Variants in FBXL17 observed in about 807,000 individuals in gnomAD.
FBXL17 encodes F-box and leucine rich repeat protein 17.
A neutral mutation model predicts 66.2 loss-of-function variants in FBXL17; 22 were observed. The observed-to-expected ratio is 0.33, with a 90% CI of 0.24 to 0.47. The LOEUF (loss-of-function observed/expected upper bound fraction) is 0.47, where lower values mean the gene tolerates loss of function less well. FBXL17 is among the 20% of genes least tolerant of loss of function. The probability of loss-of-function intolerance (pLI) is 1.00; values close to 1 mark genes in which losing one functional copy is unlikely to be tolerated. For synonymous variants in FBXL17, 474 were observed against 400.5 expected, an observed-to-expected ratio of 1.18 and a Z score of -2.19; for missense variants, 878 against 948.2, an observed-to-expected ratio of 0.93 and a Z score of 0.97.
At chr5:108,028,706 G>C (rs1413544766) in intron 6 of FBXL17, among the ~76,000 whole-genome samples, 3 of 152,124 alleles carry the variant, frequency 2.0e-5, no homozygotes, top group Non-Finnish European at 2.9e-5. Flanking sequence ...ACTCAGACAA[G>C]ATGCTGACAA....
chr5:108,268,908 C>T (rs986611725), intron 4 of FBXL17, among the ~76,000 whole-genome samples: 6 of 151,956 alleles, frequency 3.9e-5, no homozygotes, highest in Non-Finnish European at 8.8e-5. Flanking sequence ...TTATGTGCCA[C>T]AAGAGCCTTC....
intron 5 of FBXL17, among the ~76,000 whole-genome samples, chr5:108,222,926 G>A (rs969609181): frequency 9.2e-5 from 14 of 151,732 alleles, no homozygotes; most frequent in African/African-American, 3.1e-4. Flanking sequence ...CACCTGCCTC[G>A]GCCTCCCAAA....
chr5:107,913,107 C>T (rs1243547017), intron 7 of FBXL17, among the ~76,000 whole-genome samples: 2 of 151,638 alleles, frequency 1.3e-5, no homozygotes, highest in Non-Finnish European at 2.9e-5. Flanking sequence ...ACACAATAGG[C>T]TCACAATACA....
At chr5:108,156,515 G>A (rs941850661) in intron 6 of FBXL17, among the ~76,000 whole-genome samples, 8 of 151,740 alleles carry the variant, frequency 5.3e-5, no homozygotes, top group East Asian at 1.9e-4. Context: ...TTTTTACAAC[G>A]TTGAGAGTTA....
intron 6 of FBXL17, among the ~76,000 whole-genome samples, chr5:108,091,663 T>G (rs890682044): frequency 3.3e-5 from 5 of 152,204 alleles, no homozygotes; most frequent in African/African-American, 1.2e-4. Flanking sequence ...ACTTTCCCCC[T>G]ACTTCTTACA....
At chr5:108,089,807 A>G (rs962906226) in intron 6 of FBXL17, among the ~76,000 whole-genome samples, 1 of 152,188 alleles carries the variant, frequency 6.6e-6, no homozygotes, top group Non-Finnish European at 1.5e-5. Flanking sequence ...TTAAATAAAT[A>G]TAAGTAAAAT....
intron 7 of FBXL17, among the ~76,000 whole-genome samples, chr5:108,009,290 T>TAGATAGAAAGAAAGATAG (rs1287152827): frequency 1.8e-5 from 1 of 54,716 alleles, no homozygotes; most frequent in Non-Finnish European, 3.1e-5. Flanking sequence ...TATATATATA[T>TAGATAGAAAGAAAGATAG]ATATATATAT....
At chr5:108,336,665 A>C (rs943379636) in intron 4 of FBXL17, among the ~76,000 whole-genome samples, 3 of 152,150 alleles carry the variant, frequency 2.0e-5, no homozygotes, top group Non-Finnish European at 2.9e-5. Flanking sequence ...ATTAAGTTTC[A>C]AAATCCACTT....
chr5:108,332,789 G>C (rs1449327819), intron 4 of FBXL17, among the ~76,000 whole-genome samples: 1 of 151,906 alleles, frequency 6.6e-6, no homozygotes, highest in Non-Finnish European at 1.5e-5. Context: ...TGTATTTTTA[G>C]TAGAGATGGA....
intron 7 of FBXL17, among the ~76,000 whole-genome samples, chr5:107,999,052 T>A (rs1753601769): frequency 6.6e-6 from 1 of 152,204 alleles, no homozygotes; most frequent in African/African-American, 2.4e-5. Context: ...GATCTCTCCT[T>A]GCCATCAGTG....
chr5:108,299,069 C>A, intron 4 of FBXL17: 8 of 976,490 alleles, frequency 8.2e-6, no homozygotes, highest in Non-Finnish European at 9.7e-6. Context: ...CAAAAAAGCC[C>A]CAAATGTTTA....
chr5:107,909,090 TGA>T (rs1749861874), intron 7 of FBXL17, among the ~76,000 whole-genome samples: 1 of 152,182 alleles, frequency 6.6e-6, no homozygotes, highest in Non-Finnish European at 1.5e-5. Flanking sequence ...CAACCTATAT[TGA>T]GATTCTGGGT....
rs560992290 is a variant in FBXL17 at position 107,978,617 on chromosome 5, T to C, written c.1822+42308A>G. ...TACAACTTGTGATTCAATCTGTCTATGGCCCTGACCCAGAGGCTGACTCAG... is the reference window on the plus strand; with the variant it reads ...TACAACTTGTGATTCAATCTGTCTACGGCCCTGACCCAGAGGCTGACTCAG... On this transcript the variant is annotated intron_variant, in intron 7 of 8. Coordinates refer to ENST00000542267, the MANE Select transcript of FBXL17 (RefSeq NM_001163315.3). 3.2e-3 allele frequency among the ~76,000 whole-genome samples: 485 copies of C among 152,312 alleles called. 5 individuals are homozygous for C. Among genetic ancestry groups the C allele is most frequent in the African/African-American group, 0.011 (462 of 41,560 alleles).
intron 6 of FBXL17, among the ~76,000 whole-genome samples, chr5:108,047,474 G>C (rs1043932549): frequency 2.6e-5 from 4 of 152,166 alleles, no homozygotes; most frequent in Admixed American, 2.6e-4. Context: ...TGCTGTTTAA[G>C]TCCTGTGAGC....
At chr5:108,164,808 C>A (rs1752354114) in intron 6 of FBXL17, among the ~76,000 whole-genome samples, 1 of 152,172 alleles carries the variant, frequency 6.6e-6, no homozygotes, top group Non-Finnish European at 1.5e-5. Context: ...GGTGGCAGAG[C>A]CAGGATTCAA....
chr5:107,903,709 G>A (rs150500138), intron 7 of FBXL17, among the ~76,000 whole-genome samples: 3 of 145,804 alleles, frequency 2.1e-5, no homozygotes, highest in Non-Finnish European at 4.5e-5. Context: ...CTTTAACTAC[G>A]GGAGATTTAT....
chr5:107,991,237 G>A (rs1344186205), intron 7 of FBXL17, among the ~76,000 whole-genome samples: 3 of 152,200 alleles, frequency 2.0e-5, no homozygotes, highest in Admixed American at 6.5e-5. Flanking sequence ...GAACTAGCTC[G>A]CTTAGATGTT....
chr5:108,361,539 C>T (rs982474773), intron 3 of FBXL17, among the ~76,000 whole-genome samples: 2 of 152,108 alleles, frequency 1.3e-5, no homozygotes, highest in South Asian at 2.1e-4. Context: ...GGCATGCATG[C>T]GGCTTTCAAA....
At chr5:107,872,251 A>G (rs1176351706) in intron 8 of FBXL17, among the ~76,000 whole-genome samples, 1 of 152,246 alleles carries the variant, frequency 6.6e-6, no homozygotes, top group African/African-American at 2.4e-5. Context: ...ACCATGCAGC[A>G]GATGCTGAGC....
Sources: gnomAD v4.1 joint callset for allele counts (sites outside exome capture counted in the v4.1 genomes callset) on GRCh38, gnomAD v4.1.1 for gene constraint, MANE v1.5 for transcripts, NCBI Gene and HGNC (gene_info 2026-07-23, HGNC 2026-07-21) for gene names.